ZFHX4: variants seen among roughly 807,000 people sequenced by gnomAD.
The protein encoded by ZFHX4 is zinc finger homeobox protein 4.
ZFHX4 carries 56 observed loss-of-function variants against 267.6 expected under a neutral mutation model. That is an observed-to-expected ratio of 0.21 (90% confidence interval 0.17 to 0.26). The LOEUF is 0.26. ZFHX4 is among the 10% of genes least tolerant of loss of function. ZFHX4 has a pLI of 1.00. For missense variants in ZFHX4, 4,332 were observed against 4,420.0 expected (o/e 0.98, Z 0.56); for synonymous variants, 1,778 against 1,665.6 (o/e 1.07, Z -1.64).
chr8:76,778,453 A>T lies in ZFHX4; in HGVS notation c.3325+14A>T. 6.2e-7 allele frequency: 1 copy of T among 1,606,128 alleles called. No homozygotes were observed. The highest frequency in any genetic ancestry group is 8.5e-7 in the Non-Finnish European group (1 of 1,173,828). On this transcript the variant is annotated intron_variant, in intron 4 of 10. Coordinates refer to ENST00000651372, the MANE Select transcript of ZFHX4 (RefSeq NM_024721.5). ...CAAATGAGCTTGGTGAGTAACCCTG[A>T]AGAGGGCTGTCTCTGAGCCTCCCTC...
At chr8:76,833,547 G>A (rs970357441) in intron 5 of ZFHX4, 141 bp downstream of exon 5, 1 of 611,368 alleles carries the variant, frequency 1.6e-6, no homozygotes, top group Non-Finnish European at 2.8e-6. Context: ...TAAGTAAAAA[G>A]CAAAATGAAA....
chr8:76,718,881 G>T (rs1808644996), intron 3 of ZFHX4, among the ~76,000 whole-genome samples: 1 of 151,182 alleles, frequency 6.6e-6, no homozygotes. Context: ...AATTACAGCA[G>T]CTTGATAATG....
chr8:76,817,954 G>GCAA (rs1731539355), intron 4 of ZFHX4, among the ~76,000 whole-genome samples: 2 of 152,210 alleles, frequency 1.3e-5, no homozygotes, highest in African/African-American at 4.8e-5. Context: ...AATCCACTGA[G>GCAA]CAACAGCTCT....
Position 76,853,421 on chromosome 8 carries a change from G to A in ZFHX4, c.6500G>A (p.Gly2167Asp), listed in dbSNP as rs1812605160. Residue 2167 changes from glycine to aspartate, a missense_variant, in exon 10 of 11, where the codon GGC (glycine) becomes GAC (aspartate). By Grantham distance (94) the Gly-to-Asp change is moderately conservative. Around this residue, in one of 7 missense-constraint regions of ZFHX4, gnomAD observed 48 missense variants for 95.4 expected, o/e 0.50. Coordinates refer to ENST00000651372, the MANE Select transcript of ZFHX4 (RefSeq NM_024721.5). ...ATCCAGGAAATGGCAGAGAAATCTG[G>A]CCTCTCCCAAAAAGTTATCAAACAC... ...EQIQEMAEKSGLSQKVIKHWF... is the reference protein window; with the variant it reads ...EQIQEMAEKSDLSQKVIKHWF... The A allele has an allele frequency of 3.7e-6, 6 of 1,613,776 alleles. No homozygotes were observed. The highest frequency in any genetic ancestry group is 5.1e-6 in the Non-Finnish European group (6 of 1,179,858).
rs114253311 is a variant in ZFHX4 at position 76,861,058 on chromosome 8, A to G, written c.9380-2036A>G. Reference sequence around the variant, plus strand: ...CTAAGTCCCAGGAATCTAGACATCTATTACTAAAATTGGATTAAAGATCAG... The same window carrying G: ...CTAAGTCCCAGGAATCTAGACATCTGTTACTAAAATTGGATTAAAGATCAG... On this transcript the variant is annotated intron_variant, in intron 10 of 10. Transcript: ENST00000651372. Among the ~76,000 whole-genome samples, 419 of 152,252 alleles carry G rather than the reference A, an allele frequency of 2.8e-3. 1 individual carries two copies. Among genetic ancestry groups the G allele is most frequent in the African/African-American group, 9.3e-3 (387 of 41,554 alleles).
rs1342318276 is a variant in ZFHX4, at chr8:76,865,922, C to G, written c.*1357C>G. The G allele has an allele frequency of 6.6e-6, 1 of 152,566 alleles. No individual in the cohort carries two copies. Among genetic ancestry groups the G allele is most frequent in the Non-Finnish European group, 1.5e-5 (1 of 68,030 alleles). The allele number at this position is 152,566 out of a possible 1,614,324, so 9.5% of individuals were successfully genotyped here. A position where few individuals can be genotyped will look rare whatever the true frequency, so the allele number is the denominator to read the frequency against. ...GCATTAAAAGTATTATCTTTATCAA[C>G]ATTTGCTGCTACTGTGTTAACATTT... On this transcript the variant is annotated 3_prime_UTR_variant, in exon 11 of 11. Transcript: ENST00000651372.
At position 76,820,683 on chromosome 8, in the gene ZFHX4, G is replaced by T. The variant is rs1811625647; in HGVS notation, c.3326-12655G>T. Reference sequence around the variant, plus strand: ...ACTATTACAAAAATTACAGTGTGATGGTATTGCCATAAAACTTAAGAGTTT... The same window carrying T: ...ACTATTACAAAAATTACAGTGTGATTGTATTGCCATAAAACTTAAGAGTTT... On this transcript the variant is annotated intron_variant, in intron 4 of 10. Coordinates refer to ENST00000651372, the MANE Select transcript of ZFHX4 (RefSeq NM_024721.5). 3.3e-5 allele frequency among the ~76,000 whole-genome samples: 5 copies of T among 152,214 alleles called. No homozygotes were observed. The South Asian group carries it at 8.3e-4, about 25-fold the overall frequency.
chr8:76,706,603 C>G lies in ZFHX4; in HGVS notation c.2515C>G (p.Pro839Ala). The change falls in exon 2 of 11, where the codon CCT becomes GCT. Residue 839 changes from proline (P) to alanine (A), a missense_variant. Transcript: ENST00000651372. ...IGLTGMKLEN[P>A]ADPQLMINPF... ...CCTGACCGGAATGAAGCTGGAAAAC[C>G]CTGCCGACCCTCAGCTGATGATCAA... 1 of 1,608,736 alleles carries G rather than the reference C, an allele frequency of 6.2e-7. No homozygotes were observed. The highest frequency in any genetic ancestry group is 8.5e-7 in the Non-Finnish European group (1 of 1,177,760).
intron 4 of ZFHX4, among the ~76,000 whole-genome samples, chr8:76,824,447 G>A (rs534887319): frequency 1.3e-5 from 2 of 152,268 alleles, no homozygotes; most frequent in South Asian, 2.1e-4. Context: ...GAAGGTGGAT[G>A]GTGGAAGTTT....
intron 4 of ZFHX4, among the ~76,000 whole-genome samples, chr8:76,813,348 A>C (rs1811425850): frequency 6.6e-6 from 1 of 152,168 alleles, no homozygotes; most frequent in African/African-American, 2.4e-5. Flanking sequence ...TTATAAGAAG[A>C]AAAAGAACTT....
chr8:76,764,717 T>A (rs991975067), intron 3 of ZFHX4, among the ~76,000 whole-genome samples: 1 of 152,206 alleles, frequency 6.6e-6, no homozygotes, highest in Non-Finnish European at 1.5e-5. Flanking sequence ...TGGTTTTCTG[T>A]AAATTTGCTC....
chr8:76,791,384 G>A (rs1323603058), intron 4 of ZFHX4, among the ~76,000 whole-genome samples: 1 of 151,942 alleles, frequency 6.6e-6, no homozygotes, highest in African/African-American at 2.4e-5. Flanking sequence ...GTTCAGTTTG[G>A]GGAAAAAACT....
chr8:76,717,758 G>T (rs1808616082), intron 3 of ZFHX4, among the ~76,000 whole-genome samples: 1 of 151,946 alleles, frequency 6.6e-6, no homozygotes, highest in Admixed American at 6.6e-5. Flanking sequence ...CACCACCCTG[G>T]GCTAATTTTT....
intron 1 of ZFHX4, among the ~76,000 whole-genome samples, chr8:76,691,090 T>C (rs1807812500): frequency 6.6e-6 from 1 of 152,062 alleles, no homozygotes; most frequent in African/African-American, 2.4e-5. Flanking sequence ...CACTCAACTG[T>C]ATTGGCTATT....
Position 76,812,776 on chromosome 8 carries a change from T to G in ZFHX4, c.3326-20562T>G, listed in dbSNP as rs375517452. On this transcript the variant is annotated intron_variant, in intron 4 of 10. Transcript: ENST00000651372. ...TGTAACGAAAAAAATGGATTTGCGG[T>G]ACACAGTGAATGAGTTTTTCTGTCT... Among the ~76,000 whole-genome samples, 17 of 152,286 alleles carry G rather than the reference T, an allele frequency of 1.1e-4. No individual in the cohort carries two copies. The East Asian group carries it at 1.9e-3, about 17-fold the overall frequency.
At chr8:76,813,605 A>C (rs2131849164) in intron 4 of ZFHX4, among the ~76,000 whole-genome samples, 1 of 152,278 alleles carries the variant, frequency 6.6e-6, no homozygotes, top group South Asian at 2.1e-4. Flanking sequence ...TGCTTTGCAT[A>C]CTGGAACTTT....
chr8:76,768,823 T>C (rs1810179265), intron 3 of ZFHX4, among the ~76,000 whole-genome samples: 1 of 151,756 alleles, frequency 6.6e-6, no homozygotes, highest in Non-Finnish European at 1.5e-5. Flanking sequence ...AGAGAGAAAA[T>C]GAAATAATAG....
chr8:76,706,242 G>A lies in ZFHX4; in HGVS notation c.2154G>A (p.Met718Ile), dbSNP rs745578026. The A allele has an allele frequency of 1.2e-6, 2 of 1,614,094 alleles. No individual in the cohort carries two copies. Among genetic ancestry groups the A allele is most frequent in the East Asian group, 4.5e-5 (2 of 44,842 alleles). The change falls in exon 2 of 11, where the codon ATG becomes ATA. Residue 718 changes from methionine (M) to isoleucine (I), a missense_variant. Physicochemically the swap from Met to Ile is conservative, Grantham distance 10. Transcript: ENST00000651372. ...CCAAAGGCAACCTCAGTATTCATAT[G>A]CAGTCGGACAAGCACCTGAACAATG... ...TTTKGNLSIHMQSDKHLNNVQ... is the reference protein window; with the variant it reads ...TTTKGNLSIHIQSDKHLNNVQ...
rs765757939 is a variant in ZFHX4 at position 76,854,523 on chromosome 8, C to A, written c.7602C>A (p.Asp2534Glu). 2 of 1,613,866 alleles carry A rather than the reference C, an allele frequency of 1.2e-6. No homozygotes were observed. The highest frequency in any genetic ancestry group is 3.3e-5 in the Admixed American group (2 of 59,986). Residue 2534 changes from aspartate to glutamate, a missense_variant, in exon 10 of 11, where the codon GAC becomes GAA. Physicochemically the swap from Asp to Glu is conservative, Grantham distance 45 (BLOSUM62 2). Coordinates refer to ENST00000651372, the MANE Select transcript of ZFHX4 (RefSeq NM_024721.5). ...CTCCGTTCTTGGAAAGGCCCATGGA[C>A]ATGCCCTACATGATATTTGACCCCA... ...LHSPFLERPM[D>E]MPYMIFDPNN...
Sources: gnomAD v4.1 joint callset for allele counts (sites outside exome capture counted in the v4.1 genomes callset) on GRCh38, gnomAD v4.1.1 for gene constraint, gnomAD v4.1.1 regional missense constraint, MANE v1.5 for transcripts, NCBI Gene and HGNC (gene_info 2026-07-23, HGNC 2026-07-21) for gene names.